Variants in CLUL1 observed in about 807,000 individuals in gnomAD.
CLUL1 encodes clusterin-like protein 1.
Under a neutral mutation model 49.4 loss-of-function variants are expected in CLUL1, and 43 were observed. The observed-to-expected ratio is 0.87, with a 90% CI of 0.68 to 1.12. The LOEUF (loss-of-function observed/expected upper bound fraction) is 1.12. CLUL1 is among the 50% of genes most tolerant of loss of function. CLUL1 has a pLI of 0.00. For synonymous variants in CLUL1, 192 were observed against 184.9 expected (o/e 1.04, Z -0.31); for missense variants, 486 against 544.4 (o/e 0.89, Z 1.07).
At chr18:625,983 C>A (rs2073677635) in intron 5 of CLUL1, among the ~76,000 whole-genome samples, 1 of 152,190 alleles carries the variant, frequency 6.6e-6, no homozygotes, top group African/African-American at 2.4e-5. Context: ...ATATGGGGAC[C>A]ATTCCCATCT....
chr18:613,614 C>A (rs1174000475), intron 2 of CLUL1, among the ~76,000 whole-genome samples: 5 of 151,382 alleles, frequency 3.3e-5, no homozygotes, highest in Non-Finnish European at 7.4e-5. Flanking sequence ...GCCACCACCC[C>A]CAGCTAATTT....
intron 2 of CLUL1, among the ~76,000 whole-genome samples, chr18:611,769 C>T (rs939139634): frequency 2.0e-5 from 3 of 152,110 alleles, no homozygotes; most frequent in African/African-American, 7.2e-5. Flanking sequence ...GATAGAAAGT[C>T]ACCGGTGGAT....
In CLUL1 at chr18:627,532, A is replaced by G. The variant is rs751125848; in HGVS notation, c.856+3A>G. 10 of 1,585,070 alleles carry G rather than the reference A, an allele frequency of 6.3e-6. No individual in the cohort carries two copies. The East Asian group carries it at 2.2e-4, about 36-fold the overall frequency. Reference sequence around the variant, plus strand: ...AGATTTACCAAAACAAGACAAAGGCAAGTATTAAAAGATTACTTTTACTTA... The same window carrying G: ...AGATTTACCAAAACAAGACAAAGGCGAGTATTAAAAGATTACTTTTACTTA... On this transcript the variant is annotated splice_donor_region_variant and intron_variant, in intron 6 of 9. Transcript: ENST00000692774.
At chr18:645,810 A>AATAT (rs35329822) in intron 9 of CLUL1, among the ~76,000 whole-genome samples, 1,211 of 29,586 alleles carry the variant, frequency 0.041, 80 homozygotes, top group Non-Finnish European at 0.05. Context: ...AAAAAAAAAA[A>AATAT]ATATATATAT....
intron 1 of CLUL1, chr18:598,005 T>C (rs2072705670): frequency 6.6e-6 from 1 of 152,230 alleles, no homozygotes; most frequent in Non-Finnish European, 1.5e-5. Context: ...TGCTTTATCT[T>C]GTTTTTCTCT....
intron 7 of CLUL1, 68 bp from the exon 8 acceptor site, chr18:641,259 A>T (rs1472040495): frequency 8.2e-6 from 11 of 1,335,256 alleles, no homozygotes; most frequent in Non-Finnish European, 9.6e-6. Flanking sequence ...CTGGGACTTA[A>T]GCCCATGTTG....
At chr18:632,135 ACT>A (rs2074008281) in intron 6 of CLUL1, among the ~76,000 whole-genome samples, 3 of 152,194 alleles carry the variant, frequency 2.0e-5, no homozygotes, top group South Asian at 4.1e-4. Flanking sequence ...AATGTCAAAC[ACT>A]CTATTGGGAA....
intron 7 of CLUL1, among the ~76,000 whole-genome samples, chr18:640,269 G>T (rs964972265): frequency 6.6e-6 from 1 of 151,860 alleles, no homozygotes; most frequent in African/African-American, 2.4e-5. Flanking sequence ...AATTAGCCGG[G>T]CATGGTGGTG....
In CLUL1 at chr18:606,742, T is replaced by C. The variant is rs1265363378; in HGVS notation, c.-135-236T>C. 6.6e-6 allele frequency among the ~76,000 whole-genome samples: 1 copy of C among 152,128 alleles called. No homozygotes were observed. Among genetic ancestry groups the C allele is most frequent in the Admixed American group, 6.5e-5 (1 of 15,274 alleles). Reference sequence around the variant, plus strand: ...AGAAAAGAAAAAGAGGATTATATAATAAAACGTAAAACAACAAACATATAC... The same window carrying C: ...AGAAAAGAAAAAGAGGATTATATAACAAAACGTAAAACAACAAACATATAC... On this transcript the variant is annotated intron_variant, in intron 1 of 9. Coordinates refer to ENST00000692774, the MANE Select transcript of CLUL1 (RefSeq NM_001393344.1). The surrounding 1 kb of genome is among the most constrained non-coding windows in gnomAD (Gnocchi z 4.1).
At position 616,288 on chromosome 18, in the gene CLUL1, A is replaced by C. The variant is rs116258791; in HGVS notation, c.-13-1700A>C. On this transcript the variant is annotated intron_variant, in intron 2 of 9. Transcript: ENST00000692774. ...TCGCTTCATATACTAACAGTCAAAA[A>C]ATGCCAAACGAGAAAACAAACAAAC... 2.9e-3 allele frequency among the ~76,000 whole-genome samples: 436 copies of C among 152,336 alleles called. 4 individuals carry two copies. The highest frequency in any genetic ancestry group is 1.0e-2 in the African/African-American group (415 of 41,572).
chr18:618,224 C>T lies in CLUL1; in HGVS notation c.106+118C>T. 4.1e-6 allele frequency: 3 copies of T among 736,636 alleles called. No individual in the cohort carries two copies. The South Asian group carries it at 5.3e-5, about 13-fold the overall frequency. 45.6% of individuals were successfully genotyped at this position (736,636 alleles called of 1,614,324 possible). A position where few individuals can be genotyped will look rare whatever the true frequency, so the allele number is the denominator to read the frequency against. On this transcript the variant is annotated intron_variant, in intron 3 of 9. Transcript: ENST00000692774. This position sits in a 1 kb window ranked among gnomAD's most constrained non-coding sequence, Gnocchi z 4.2. ...TTCGCTGTTTTCACGGTGAAACGTT[C>T]TCAAGGCGCTTAAACCAGGTCATCC...
intron 2 of CLUL1, among the ~76,000 whole-genome samples, chr18:611,210 C>T (rs1402951905): frequency 6.7e-6 from 1 of 148,548 alleles, no homozygotes; most frequent in South Asian, 2.1e-4. Context: ...GAAAGGAGCA[C>T]CTACAAGATA....
intron 4 of CLUL1, among the ~76,000 whole-genome samples, chr18:621,956 A>C (rs1228653253): frequency 6.6e-6 from 1 of 152,156 alleles, no homozygotes; most frequent in Non-Finnish European, 1.5e-5. Flanking sequence ...ATTTTTGTTT[A>C]TTCTTAAAAA....
At chr18:645,811 ATAT>A (rs1246029228) in intron 9 of CLUL1, among the ~76,000 whole-genome samples, 109 of 33,460 alleles carry the variant, frequency 3.3e-3, no homozygotes, top group Admixed American at 4.9e-3. Context: ...AAAAAAAAAA[ATAT>A]ATATATATAT....
Position 645,757 on chromosome 18 carries a change from G to T in CLUL1, c.1397+660G>T, listed in dbSNP as rs576883139. Among the ~76,000 whole-genome samples the T allele has an allele frequency of 1.1e-3, 129 of 121,378 alleles. 4 individuals are homozygous for T. The highest frequency in any genetic ancestry group is 3.8e-3 in the African/African-American group (121 of 31,810). The allele number at this position is 121,378 out of a possible 152,430, so 79.6% of individuals were successfully genotyped here. On this transcript the variant is annotated intron_variant, in intron 9 of 9. Coordinates refer to ENST00000692774, the MANE Select transcript of CLUL1 (RefSeq NM_001393344.1). ...TGCAGTGAGCAGAGATCGCGCCACT[G>T]CACTCCAGCCTGGGCGACAGAGCGA... is the stretch of plus-strand genomic sequence containing the variant.
intron 1 of CLUL1, among the ~76,000 whole-genome samples, chr18:601,535 T>C (rs1255702912): frequency 6.6e-6 from 1 of 152,010 alleles, no homozygotes; most frequent in African/African-American, 2.4e-5. Flanking sequence ...TAATCCCAGG[T>C]ACTCAGGAGG....
chr18:613,020 G>T (rs2219281), intron 2 of CLUL1: 167,090 of 297,670 alleles, frequency 0.56, 47,471 homozygotes, highest in Admixed American at 0.66. Flanking sequence ...TGATGATGGT[G>T]AAGTGGAATA....
chr18:609,893 C>G (rs1383123161), intron 2 of CLUL1, among the ~76,000 whole-genome samples: 1 of 149,886 alleles, frequency 6.7e-6, no homozygotes, highest in African/African-American at 2.5e-5. Flanking sequence ...TAAGTGTGTT[C>G]AAGCTGAAAA....
In CLUL1 at chr18:645,038, C is replaced by T; in HGVS notation, c.1338C>T (p.Asn446=). The T allele has an allele frequency of 6.2e-7, 1 of 1,612,564 alleles. No individual in the cohort carries two copies. The highest frequency in any genetic ancestry group is 8.5e-7 in the Non-Finnish European group (1 of 1,179,372). The change falls in exon 9 of 10, where the codon AAC becomes AAT. Residue 446 remains asparagine (N), a synonymous_variant. Transcript: ENST00000692774. The part of the protein sequence containing the change: ...IPLEESAESS[N]FIGYVVAKAL... Reference sequence around the variant, plus strand: ...TTGAAGAAAGTGCTGAGAGTTCTAACTTCATTGGCTACGTAGTGGCAAAAG... The same window carrying T: ...TTGAAGAAAGTGCTGAGAGTTCTAATTTCATTGGCTACGTAGTGGCAAAAG...
Sources: gnomAD v4.1 joint callset for allele counts (sites outside exome capture counted in the v4.1 genomes callset) on GRCh38, gnomAD v4.1.1 for gene constraint, Gnocchi (gnomAD v3.1) non-coding constraint, MANE v1.5 for transcripts, NCBI Gene and HGNC (gene_info 2026-07-23, HGNC 2026-07-21) for gene names.